The following SLC22A3 variants were observed in gnomAD, a reference collection of about 807,000 sequenced individuals.
SLC22A3 encodes EMT organic cation transporter 3.
SLC22A3 carries 51 observed loss-of-function variants against 59.1 expected under a neutral mutation model. The observed-to-expected ratio is 0.86, with a 90% CI of 0.69 to 1.09. The LOEUF (loss-of-function observed/expected upper bound fraction) is 1.09, where lower values mean the gene tolerates loss of function less well. Among genes scored for constraint, SLC22A3 ranks in the 50% least tolerant of loss-of-function variants. The probability of loss-of-function intolerance (pLI) is 0.00; values close to 1 mark genes in which losing one functional copy is unlikely to be tolerated. For missense variants in SLC22A3, 711 were observed against 726.3 expected (o/e 0.98, Z 0.24); for synonymous variants, 325 against 292.0 (o/e 1.11, Z -1.15).
chr6:160,390,361 C>T (rs1033522869), intron 1 of SLC22A3, among the ~76,000 whole-genome samples: 2 of 152,176 alleles, frequency 1.3e-5, no homozygotes, highest in Admixed American at 1.3e-4. Flanking sequence ...AAGGCACTGG[C>T]CTCATTCCCC....
At chr6:160,408,562 G>A (rs1787114674) in intron 3 of SLC22A3, among the ~76,000 whole-genome samples, 191 bp from the exon 4 acceptor site, 1 of 152,202 alleles carries the variant, frequency 6.6e-6, no homozygotes, top group Non-Finnish European at 1.5e-5. Context: ...AGAGGTGAGA[G>A]TGGGAGAAAA....
chr6:160,383,979 G>T (rs2114800871), intron 1 of SLC22A3, among the ~76,000 whole-genome samples: 1 of 152,254 alleles, frequency 6.6e-6, no homozygotes, highest in African/African-American at 2.4e-5. Context: ...ACCCAGGCTG[G>T]AGTGCAGTGG....
chr6:160,408,928 T>C lies in SLC22A3; in HGVS notation c.857+7T>C, dbSNP rs1257595222. 6 of 1,612,852 alleles carry C rather than the reference T, an allele frequency of 3.7e-6. No individual in the cohort carries two copies. Among genetic ancestry groups the C allele is most frequent in the Non-Finnish European group, 5.1e-6 (6 of 1,179,326 alleles). On this transcript the variant is annotated splice_region_variant and intron_variant, in intron 4 of 10. Transcript: ENST00000275300. ...TCTTCCTCCTTTATTACTGGTAATG[T>C]GGTTTTGGTTATCATCATATTTATA...
chr6:160,390,340 A>G (rs1174379747), intron 1 of SLC22A3, among the ~76,000 whole-genome samples: 1 of 151,958 alleles, frequency 6.6e-6, no homozygotes, highest in Non-Finnish European at 1.5e-5. Flanking sequence ...GCCAGCCACA[A>G]CTCCACAGCC....
At chr6:160,401,973 A>T (rs1015107362) in intron 2 of SLC22A3, among the ~76,000 whole-genome samples, 1 of 151,992 alleles carries the variant, frequency 6.6e-6, no homozygotes, top group Non-Finnish European at 1.5e-5. Context: ...ACATAAGAAT[A>T]AAAAATAAGG....
intron 1 of SLC22A3, among the ~76,000 whole-genome samples, chr6:160,364,522 A>T (rs1051109932): frequency 6.6e-6 from 1 of 152,196 alleles, no homozygotes; most frequent in South Asian, 2.1e-4. Flanking sequence ...AAAGTATACA[A>T]ATTGGATTGG....
intron 5 of SLC22A3, among the ~76,000 whole-genome samples, chr6:160,414,990 CG>C (rs1341063522): frequency 6.6e-6 from 1 of 152,148 alleles, no homozygotes; most frequent in South Asian, 2.1e-4. Flanking sequence ...CTCTTTAGCA[CG>C]ATGAGATTTT....
chr6:160,360,588 AG>A (rs1412843611), intron 1 of SLC22A3, among the ~76,000 whole-genome samples: 3 of 152,206 alleles, frequency 2.0e-5, no homozygotes, highest in African/African-American at 7.2e-5. Flanking sequence ...CTACTAGAAA[AG>A]CTTTAAAGTC....
At chr6:160,374,871 A>G (rs1321200891) in intron 1 of SLC22A3, among the ~76,000 whole-genome samples, 1 of 152,206 alleles carries the variant, frequency 6.6e-6, no homozygotes, top group African/African-American at 2.4e-5. Context: ...TTTAAAAGAA[A>G]TGAATGTGTG....
At chr6:160,353,896 A>G (rs512077) in intron 1 of SLC22A3, among the ~76,000 whole-genome samples, 120,159 of 151,978 alleles carry the variant, frequency 0.79, 47,923 homozygotes, top group Non-Finnish European at 0.85. Context: ...GGAGACTCTC[A>G]GAGGGGAACA....
At chr6:160,362,268 A>T (rs1032545047) in intron 1 of SLC22A3, among the ~76,000 whole-genome samples, 1 of 152,044 alleles carries the variant, frequency 6.6e-6, no homozygotes, top group Non-Finnish European at 1.5e-5. Flanking sequence ...CATTCCCCAG[A>T]TTTTCTTTTG....
At chr6:160,444,747 T>G (rs1788680656) in intron 9 of SLC22A3, among the ~76,000 whole-genome samples, 1 of 152,236 alleles carries the variant, frequency 6.6e-6, no homozygotes, top group Non-Finnish European at 1.5e-5. Context: ...ACTTCCTTAC[T>G]TCTGGTAGAG....
chr6:160,354,634 A>G (rs910135082), intron 1 of SLC22A3, among the ~76,000 whole-genome samples: 6 of 152,332 alleles, frequency 3.9e-5, no homozygotes, highest in East Asian at 3.9e-4. Flanking sequence ...GACTCCAACT[A>G]TACAAAAATA....
At chr6:160,365,038 A>C (rs1166304061) in intron 1 of SLC22A3, among the ~76,000 whole-genome samples, 1 of 149,864 alleles carries the variant, frequency 6.7e-6, no homozygotes, top group South Asian at 2.1e-4. Flanking sequence ...AAAATCAATA[A>C]TTTTTTTTAC....
At position 160,442,804 on chromosome 6, in the gene SLC22A3, A is replaced by AG; in HGVS notation, c.1335dup (p.Ile446AspfsTer6). 6.2e-7 allele frequency: 1 copy of AG among 1,614,100 alleles called. No individual in the cohort carries two copies. The highest frequency in any genetic ancestry group is 8.5e-7 in the Non-Finnish European group (1 of 1,179,924). On this transcript the variant is annotated frameshift_variant, in exon 8 of 11. Coordinates refer to ENST00000275300, the MANE Select transcript of SLC22A3 (RefSeq NM_021977.4). LOFTEE classifies it high-confidence loss of function. ...CCACAGTGGCTACATTGGGAAGACT[A>AG]GGGATAACCATGGCCTTTGAAATTG...
intron 1 of SLC22A3, among the ~76,000 whole-genome samples, chr6:160,387,829 T>C (rs1012279414): frequency 6.6e-6 from 1 of 152,232 alleles, no homozygotes; most frequent in Non-Finnish European, 1.5e-5. Flanking sequence ...GAATAGCATG[T>C]GCATTTCACC....
chr6:160,352,340 T>C (rs576349500), intron 1 of SLC22A3, among the ~76,000 whole-genome samples: 55 of 152,362 alleles, frequency 3.6e-4, no homozygotes, highest in African/African-American at 1.2e-3. Flanking sequence ...TGGAGACTTT[T>C]CTAATGTCCG....
intron 5 of SLC22A3, among the ~76,000 whole-genome samples, chr6:160,423,271 G>A (rs1427645785): frequency 6.6e-6 from 1 of 152,142 alleles, no homozygotes; most frequent in African/African-American, 2.4e-5. Flanking sequence ...TTGCTATTGT[G>A]AATAGTGCCA....
intron 1 of SLC22A3, among the ~76,000 whole-genome samples, chr6:160,361,959 G>T (rs1220387938): frequency 6.6e-6 from 1 of 152,212 alleles, no homozygotes; most frequent in African/African-American, 2.4e-5. Flanking sequence ...AGAATACAAT[G>T]AAACATCGTT....
Sources: gnomAD v4.1 joint callset for allele counts (sites outside exome capture counted in the v4.1 genomes callset) on GRCh38, gnomAD v4.1.1 for gene constraint, MANE v1.5 for transcripts, NCBI Gene and HGNC (gene_info 2026-07-23, HGNC 2026-07-21) for gene names.